Variants in MYO1D observed in about 807,000 individuals in gnomAD.
MYO1D encodes myosin ID, also known as unconventional myosin-Id.
Under a neutral mutation model 122.0 loss-of-function variants are expected in MYO1D, and 83 were observed. The observed-to-expected ratio is 0.68, with a 90% confidence interval of 0.57 to 0.82. MYO1D has a LOEUF of 0.82. Among genes scored for constraint, MYO1D ranks in the 40% least tolerant of loss-of-function variants. The probability of loss-of-function intolerance (pLI) is 0.00; values close to 1 mark genes in which losing one functional copy is unlikely to be tolerated. For missense variants in MYO1D, 1,157 were observed against 1,269.5 expected (o/e 0.91, Z 1.35); for synonymous variants, 464 against 446.9 (o/e 1.04, Z -0.48).
chr17:32,715,043 C>T (rs1319992522), intron 15 of MYO1D, among the ~76,000 whole-genome samples: 7 of 152,136 alleles, frequency 4.6e-5, no homozygotes, highest in Middle Eastern at 3.4e-3. Flanking sequence ...GACATACATG[C>T]GGCCAACATA....
chr17:32,765,504 C>T (rs2090046607), intron 7 of MYO1D, among the ~76,000 whole-genome samples: 2 of 152,118 alleles, frequency 1.3e-5, no homozygotes, highest in Non-Finnish European at 2.9e-5. Flanking sequence ...GTCGCCCAGG[C>T]TGGAGTGCAA....
chr17:32,724,360 G>A (rs796151787), intron 14 of MYO1D, among the ~76,000 whole-genome samples: 3 of 152,248 alleles, frequency 2.0e-5, no homozygotes, highest in African/African-American at 4.8e-5. Context: ...ATGAAGATAC[G>A]GGGGCTTTCT....
chr17:32,625,162 C>T (rs2087910650), intron 20 of MYO1D, among the ~76,000 whole-genome samples: 1 of 152,220 alleles, frequency 6.6e-6, no homozygotes, highest in African/African-American at 2.4e-5. Flanking sequence ...CAAACACTCT[C>T]ATCTTGATTA....
intron 15 of MYO1D, among the ~76,000 whole-genome samples, chr17:32,713,379 T>C (rs1380113513): frequency 6.6e-6 from 1 of 152,244 alleles, no homozygotes; most frequent in African/African-American, 2.4e-5. Context: ...GTCTGTTTCA[T>C]TGCTGTGTCT....
intron 21 of MYO1D, among the ~76,000 whole-genome samples, chr17:32,572,517 C>G (rs1485334279): frequency 3.9e-5 from 6 of 152,150 alleles, no homozygotes; most frequent in African/African-American, 1.4e-4. Context: ...ATTTTAGGAC[C>G]AGCCACCCTC....
At chr17:32,647,580 G>T (rs1475139268) in intron 19 of MYO1D, among the ~76,000 whole-genome samples, 1 of 151,876 alleles carries the variant, frequency 6.6e-6, no homozygotes, top group African/African-American at 2.4e-5. Context: ...TTATTAATTT[G>T]ATTTTCCAGC....
chr17:32,830,836 G>A (rs1046583766), intron 1 of MYO1D, among the ~76,000 whole-genome samples: 12 of 152,238 alleles, frequency 7.9e-5, no homozygotes, highest in Admixed American at 4.6e-4. Context: ...GAGGCGGGCA[G>A]ATCACGAAGT....
At chr17:32,802,998 A>G (rs1425960653) in intron 1 of MYO1D, among the ~76,000 whole-genome samples, 2 of 152,174 alleles carry the variant, frequency 1.3e-5, no homozygotes, top group Non-Finnish European at 2.9e-5. Flanking sequence ...TTAGGCAGGC[A>G]AAGATAAGTG....
chr17:32,721,911 A>G (rs2089516785), intron 14 of MYO1D, among the ~76,000 whole-genome samples: 1 of 152,226 alleles, frequency 6.6e-6, no homozygotes, highest in Admixed American at 6.5e-5. Context: ...CACTGGATGA[A>G]TCAATGAGGT....
At position 32,579,239 on chromosome 17, in the gene MYO1D, T is replaced by A. The variant is rs140623847; in HGVS notation, c.2864+25848A>T. On this transcript the variant is annotated intron_variant, in intron 21 of 21. Coordinates refer to ENST00000318217, the MANE Select transcript of MYO1D (RefSeq NM_015194.3). ...TGTGCCACTATACCCAGGTAATTTT[T>A]AAATTTTTTTGTAGAGACAGGGTCT... Among the ~76,000 whole-genome samples, 659 of 152,152 alleles carry A rather than the reference T, an allele frequency of 4.3e-3. 5 individuals carry two copies. Among genetic ancestry groups the A allele is most frequent in the African/African-American group, 0.015 (632 of 41,502 alleles).
chr17:32,844,674 A>T (rs1482586146), intron 1 of MYO1D, among the ~76,000 whole-genome samples: 1 of 151,924 alleles, frequency 6.6e-6, no homozygotes, highest in African/African-American at 2.4e-5. Flanking sequence ...GCAGTGAGCT[A>T]TGATCACGCC....
intron 10 of MYO1D, 111 bp downstream of exon 10, chr17:32,760,179 G>A: frequency 1.1e-6 from 1 of 923,882 alleles, no homozygotes; most frequent in Non-Finnish European, 1.8e-6. Flanking sequence ...GAAAGCTAAG[G>A]TTCAGATGTT....
intron 20 of MYO1D, among the ~76,000 whole-genome samples, chr17:32,618,045 T>A (rs1272385495): frequency 6.6e-6 from 1 of 152,222 alleles, no homozygotes; most frequent in Non-Finnish European, 1.5e-5. Context: ...CAGATGCATC[T>A]TCAGGGCTAC....
chr17:32,633,268 A>T (rs1376011440), intron 20 of MYO1D, among the ~76,000 whole-genome samples: 1 of 152,094 alleles, frequency 6.6e-6, no homozygotes, highest in Non-Finnish European at 1.5e-5. Context: ...AAATGAAAAG[A>T]TAACAAAATC....
At chr17:32,608,424 G>C (rs1313061372) in intron 20 of MYO1D, among the ~76,000 whole-genome samples, 1 of 152,150 alleles carries the variant, frequency 6.6e-6, no homozygotes, top group Admixed American at 6.5e-5. Context: ...ACTGCAATGG[G>C]AACCACTGCA....
chr17:32,864,007 C>CTTTTCTTTTTTTT (rs2091100932), intron 1 of MYO1D, among the ~76,000 whole-genome samples: 1 of 48,960 alleles, frequency 2.0e-5, no homozygotes, highest in African/African-American at 1.0e-4. Flanking sequence ...ACATTTCTTC[C>CTTTTCTTTTTTTT]TTTTTTTTTT....
At chr17:32,851,092 T>C (rs1345861667) in intron 1 of MYO1D, among the ~76,000 whole-genome samples, 1 of 152,160 alleles carries the variant, frequency 6.6e-6, no homozygotes, top group East Asian at 1.9e-4. Context: ...TTTGGCATTG[T>C]CTGGTGATCC....
chr17:32,567,868 A>G (rs225209), intron 21 of MYO1D, among the ~76,000 whole-genome samples: 88,528 of 151,990 alleles, frequency 0.58, 26,146 homozygotes, highest in South Asian at 0.67. Flanking sequence ...TTCAGTCTCC[A>G]CGTCCAATTA....
chr17:32,835,565 T>G (rs1289205121), intron 1 of MYO1D, among the ~76,000 whole-genome samples: 2 of 152,236 alleles, frequency 1.3e-5, no homozygotes, highest in Non-Finnish European at 1.5e-5. Context: ...TTCCCTGGCA[T>G]AGGTTCTACC....
Sources: allele counts gnomAD v4.1 joint callset (sites outside exome capture counted in the v4.1 genomes callset), GRCh38; gene constraint gnomAD v4.1.1; transcripts MANE v1.5; gene names NCBI Gene and HGNC (gene_info 2026-07-23, HGNC 2026-07-21).